Variants in RASAL2 observed in about 807,000 individuals in gnomAD.
The protein encoded by RASAL2 is ras GTPase-activating protein nGAP.
Under a neutral mutation model 128.9 loss-of-function variants are expected in RASAL2, and 58 were observed. That is an observed-to-expected ratio of 0.45 (90% CI 0.36 to 0.56). The LOEUF is 0.56. Among genes scored for constraint, RASAL2 ranks in the 20% least tolerant of loss-of-function variants. RASAL2 has a pLI of 0.00. For missense variants in RASAL2, 1,360 were observed against 1,601.6 expected (o/e 0.85, Z 2.57); for synonymous variants, 561 against 580.8 (o/e 0.97, Z 0.49).
chr1:178,381,630 G>A (rs1672293356), intron 3 of RASAL2, among the ~76,000 whole-genome samples: 1 of 151,226 alleles, frequency 6.6e-6, no homozygotes, highest in African/African-American at 2.4e-5. Context: ...TATTTGTTTG[G>A]GAAATAAAAC....
chr1:178,414,310 A>G (rs1674608859), intron 4 of RASAL2, among the ~76,000 whole-genome samples: 1 of 152,170 alleles, frequency 6.6e-6, no homozygotes, highest in African/African-American at 2.4e-5. Context: ...TGTGGGAGGT[A>G]CTGAGGGATG....
At chr1:178,216,709 G>T (rs531107487) in intron 1 of RASAL2, among the ~76,000 whole-genome samples, 1 of 152,252 alleles carries the variant, frequency 6.6e-6, no homozygotes, top group African/African-American at 2.4e-5. Flanking sequence ...GCACGATCTT[G>T]GCTCACTGCA....
At chr1:178,322,474 G>A (rs1421786917) in intron 3 of RASAL2, among the ~76,000 whole-genome samples, 6 of 152,094 alleles carry the variant, frequency 3.9e-5, no homozygotes, top group African/African-American at 1.4e-4. Flanking sequence ...CTGGTCGTCT[G>A]TACTAGAATG....
intron 1 of RASAL2, among the ~76,000 whole-genome samples, chr1:178,260,364 AT>A (rs1181457461): frequency 0.42 from 8,172 of 19,616 alleles, 3,504 homozygotes; most frequent in Non-Finnish European, 0.53. Context: ...AAAAAAAAAA[AT>A]ATATATATAT....
chr1:178,264,802 G>A (rs1482891415), intron 1 of RASAL2, among the ~76,000 whole-genome samples: 4 of 152,122 alleles, frequency 2.6e-5, no homozygotes, highest in Non-Finnish European at 4.4e-5. Flanking sequence ...TAAATCATTG[G>A]CCATTGGTGA....
rs150741455 is a variant in RASAL2 at position 178,465,897 on chromosome 1, T to TCTCCTTGC, written c.3388-17_3388-10dup. The TCTCCTTGC allele has an allele frequency of 2.5e-3, 3,642 of 1,468,436 alleles. 85 individuals are homozygous for TCTCCTTGC. In the African/African-American group the frequency reaches 0.047, roughly 19 times the overall value. The allele number at this position is 1,468,436 out of a possible 1,614,324, so 91.0% of individuals were successfully genotyped here. On this transcript the variant is annotated intron_variant, in intron 15 of 17. Transcript: ENST00000367649. ...AAAAGCAATGTGACTCTAGTTTTTG[T>TCTCCTTGC]CTCCTTGCCTCCTCTGCCCTAGTAT...
At chr1:178,313,189 A>G (rs914880390) in intron 3 of RASAL2, among the ~76,000 whole-genome samples, 8 of 152,208 alleles carry the variant, frequency 5.3e-5, no homozygotes, top group African/African-American at 1.9e-4. Flanking sequence ...TTATGTAACT[A>G]TATAGGGAAG....
intron 3 of RASAL2, among the ~76,000 whole-genome samples, chr1:178,373,274 C>CTTTTTTTCTTTTTTTTTTTTTTTTT (rs1671814730): frequency 1.7e-5 from 1 of 60,072 alleles, no homozygotes; most frequent in African/African-American, 7.4e-5. Context: ...TGTTTCTTTC[C>CTTTTTTTCTTTTTTTTTTTTTTTTT]TTTTTTTTTT....
At chr1:178,295,022 T>C (rs1667430005) in intron 2 of RASAL2, among the ~76,000 whole-genome samples, 2 of 152,124 alleles carry the variant, frequency 1.3e-5, no homozygotes, top group South Asian at 4.1e-4. Context: ...ACCTGACTAC[T>C]CCAGGAATCC....
At chr1:178,162,235 G>C (rs1421996503) in intron 1 of RASAL2, among the ~76,000 whole-genome samples, 1 of 144,538 alleles carries the variant, frequency 6.9e-6, no homozygotes, top group Non-Finnish European at 1.5e-5. Flanking sequence ...AGAGTGCTGG[G>C]ATTACAGGCG....
intron 1 of RASAL2, among the ~76,000 whole-genome samples, chr1:178,134,506 A>C (rs2102313475): frequency 6.6e-6 from 1 of 151,108 alleles, no homozygotes; most frequent in East Asian, 1.9e-4. Context: ...TTGAAGGTGA[A>C]GCCTGCTATA....
In RASAL2 at chr1:178,474,759, T is replaced by C. The variant is rs897841546; in HGVS notation, c.*1520T>C. On this transcript the variant is annotated 3_prime_UTR_variant, in exon 18 of 18. Transcript: ENST00000367649. ...ACAAATAGGAAAAGTTCATGCCTTCTATGCTGTTCAGATATAATGTTAAAA... is the reference window on the plus strand; with the variant it reads ...ACAAATAGGAAAAGTTCATGCCTTCCATGCTGTTCAGATATAATGTTAAAA... The C allele has an allele frequency of 4.6e-5, 7 of 152,076 alleles. No individual in the cohort carries two copies. The highest frequency in any genetic ancestry group is 1.7e-4 in the African/African-American group (7 of 41,414). The allele number at this position is 152,076 out of a possible 1,614,324, so 9.4% of individuals were successfully genotyped here. A position where few individuals can be genotyped will look rare whatever the true frequency, so the allele number is the denominator to read the frequency against.
At chr1:178,168,803 T>C (rs1242518384) in intron 1 of RASAL2, among the ~76,000 whole-genome samples, 2 of 152,110 alleles carry the variant, frequency 1.3e-5, no homozygotes, top group East Asian at 3.8e-4. Context: ...TCCTGTTCTT[T>C]ACTGTGTGGA....
Position 178,355,198 on chromosome 1 carries a change from C to A in RASAL2, c.458-34902C>A, listed in dbSNP as rs141190759. Among the ~76,000 whole-genome samples the A allele has an allele frequency of 3.9e-5, 6 of 152,248 alleles. No individual in the cohort carries two copies. The East Asian group carries it at 1.2e-3, about 29-fold the overall frequency. The stretch of plus-strand genomic sequence containing the variant: ...GGATAGCCAAAAACTCTTTTAGAAA[C>A]CTAATTTAGGAGGACTTGCTCTGTC... On this transcript the variant is annotated intron_variant, in intron 3 of 17. Coordinates refer to ENST00000367649, the MANE Select transcript of RASAL2 (RefSeq NM_170692.4).
chr1:178,345,511 G>A (rs550575014), intron 3 of RASAL2, among the ~76,000 whole-genome samples: 9 of 152,152 alleles, frequency 5.9e-5, no homozygotes, highest in South Asian at 2.1e-4. Context: ...GTAACTATTC[G>A]TAAATACTAC....
chr1:178,445,868 G>A (rs1676963041), intron 9 of RASAL2, among the ~76,000 whole-genome samples: 1 of 152,118 alleles, frequency 6.6e-6, no homozygotes, highest in South Asian at 2.1e-4. Flanking sequence ...AACCTTGTCA[G>A]CATACACTGC....
intron 6 of RASAL2, 71 bp from the exon 7 acceptor site, chr1:178,441,478 C>A: frequency 1.9e-6 from 2 of 1,032,874 alleles, no homozygotes; most frequent in Non-Finnish European, 3.0e-6. Flanking sequence ...TAGAGGTATG[C>A]TGTGAACCCT....
At chr1:178,335,158 G>T (rs1236379156) in intron 3 of RASAL2, among the ~76,000 whole-genome samples, 3 of 150,866 alleles carry the variant, frequency 2.0e-5, no homozygotes, top group Non-Finnish European at 3.0e-5. Flanking sequence ...TTTTCCTTAA[G>T]AACTTAAATT....
At chr1:178,116,852 C>T (rs1188415507) in intron 1 of RASAL2, among the ~76,000 whole-genome samples, 1 of 152,152 alleles carries the variant, frequency 6.6e-6, no homozygotes, top group African/African-American at 2.4e-5. Context: ...CCTCGTGATC[C>T]GCCTGCCTCC....
Sources: gnomAD v4.1 joint callset for allele counts (sites outside exome capture counted in the v4.1 genomes callset) on GRCh38, gnomAD v4.1.1 for gene constraint, MANE v1.5 for transcripts, NCBI Gene and HGNC (gene_info 2026-07-23, HGNC 2026-07-21) for gene names.